ADAM12: variants seen among roughly 807,000 people sequenced by gnomAD.
ADAM12 encodes ADAM metallopeptidase domain 12, also known as disintegrin and metalloproteinase domain-containing protein 12.
A neutral mutation model predicts 106.4 loss-of-function variants in ADAM12; 70 were observed. The ratio of observed to expected loss-of-function variants is 0.66; its 90% CI spans 0.54 to 0.80. ADAM12 has a LOEUF of 0.80. Among genes scored for constraint, ADAM12 ranks in the 30% least tolerant of loss-of-function variants. ADAM12 has a pLI of 0.00. For synonymous variants in ADAM12, 420 were observed against 433.5 expected, an observed-to-expected ratio of 0.97 and a Z score of 0.39; for missense variants, 1,010 against 1,171.9, an observed-to-expected ratio of 0.86 and a Z score of 2.02.
chr10:126,344,422 A>G (rs537189176), intron 1 of ADAM12, among the ~76,000 whole-genome samples: 6 of 152,200 alleles, frequency 3.9e-5, no homozygotes, highest in Admixed American at 3.3e-4. Context: ...TTTGGTTACT[A>G]TAGCCTTGTA....
chr10:126,271,519 C>A (rs140106877), intron 3 of ADAM12, among the ~76,000 whole-genome samples: 4 of 152,336 alleles, frequency 2.6e-5, no homozygotes, highest in Non-Finnish European at 5.9e-5. Context: ...TAGCTCATGC[C>A]TTTGGGAGGC....
intron 4 of ADAM12, among the ~76,000 whole-genome samples, chr10:126,146,139 C>T (rs1956623370): frequency 6.6e-6 from 1 of 152,154 alleles, no homozygotes; most frequent in African/African-American, 2.4e-5. Context: ...TGAGCTGGTG[C>T]AGCCATGTGA....
Position 126,346,086 on chromosome 10 carries a change from C to T in ADAM12, c.89-15577G>A, listed in dbSNP as rs1590808413. The stretch of plus-strand genomic sequence containing the variant: ...TAGCTTTTGAATTTGTTTGCTCTTG[C>T]TTCTCTAGTTCTTTTAAATGTGATG... On this transcript the variant is annotated intron_variant, in intron 1 of 22. Transcript: ENST00000448723. Among the ~76,000 whole-genome samples the T allele has an allele frequency of 7.2e-5, 11 of 152,258 alleles. No homozygotes were observed. The South Asian group carries it at 2.3e-3, about 32-fold the overall frequency.
In ADAM12 at chr10:126,036,264, A is replaced by T; in HGVS notation, c.2411T>A (p.Leu804Gln). The T allele has an allele frequency of 1.3e-6, 2 of 1,560,202 alleles. No individual in the cohort carries two copies. Among genetic ancestry groups the T allele is most frequent in the Non-Finnish European group, 1.7e-6 (2 of 1,159,480 alleles). Residue 804 changes from leucine (L) to glutamine (Q), a missense_variant, in exon 21 of 23, where the codon CTG (leucine) becomes CAG (glutamine). This residue lies in a region of ADAM12 where 615 missense variants were observed against 708.5 expected (regional missense o/e 0.87). Transcript: ENST00000448723. ...AGTTGACTGGGGCTGAGGGACATTC[A>T]GGCCGTTGAGGGGTCTGCTGATGTC... ...NVDISRPLNG[L>Q]NVPQPQSTQR...
At chr10:126,036,831 G>A (rs1009260418) in intron 20 of ADAM12, among the ~76,000 whole-genome samples, 1 of 152,304 alleles carries the variant, frequency 6.6e-6, no homozygotes, top group Middle Eastern at 3.4e-3. Flanking sequence ...AACAGGTGCT[G>A]CAGGGACCCT....
chr10:126,300,298 C>T (rs1960563632), intron 2 of ADAM12, among the ~76,000 whole-genome samples: 1 of 152,166 alleles, frequency 6.6e-6, no homozygotes, highest in Non-Finnish European at 1.5e-5. Context: ...CTGATCCCAT[C>T]CCACCTGACA....
rs573616777 is a variant in ADAM12 at position 126,306,418 on chromosome 10, A to G, written c.186+23994T>C. Among the ~76,000 whole-genome samples the G allele has an allele frequency of 3.3e-5, 5 of 152,176 alleles. No individual in the cohort carries two copies. The South Asian group carries it at 6.2e-4, about 19-fold the overall frequency. On this transcript the variant is annotated intron_variant, in intron 2 of 22. Transcript: ENST00000448723. Reference sequence around the variant, plus strand: ...TGTTGTAAAGCCCTAAATATCTTGCATTATTGTTTTAAAGAGTTAATAGTG... The same window carrying G: ...TGTTGTAAAGCCCTAAATATCTTGCGTTATTGTTTTAAAGAGTTAATAGTG...
At chr10:126,058,338 G>A (rs2133462581) in intron 14 of ADAM12, among the ~76,000 whole-genome samples, 1 of 152,346 alleles carries the variant, frequency 6.6e-6, no homozygotes, top group East Asian at 1.9e-4. Flanking sequence ...CCTTCCCGGA[G>A]GAAGTCAACT....
intron 1 of ADAM12, among the ~76,000 whole-genome samples, chr10:126,350,478 G>A (rs1239215246): frequency 6.6e-6 from 1 of 152,222 alleles, no homozygotes; most frequent in Non-Finnish European, 1.5e-5. Context: ...GACAGAGACA[G>A]CTGCCTGGGC....
chr10:126,128,819 C>A (rs1431768920), intron 5 of ADAM12, among the ~76,000 whole-genome samples: 1 of 136,028 alleles, frequency 7.4e-6, no homozygotes, highest in Non-Finnish European at 1.5e-5. Context: ...TGGACGCCTG[C>A]GCATGTGAGT....
chr10:126,351,369 C>T (rs1286300450), intron 1 of ADAM12, among the ~76,000 whole-genome samples: 1 of 152,212 alleles, frequency 6.6e-6, no homozygotes, highest in East Asian at 1.9e-4. Flanking sequence ...TTCTTGGCCT[C>T]ACTGGTGGTC....
intron 2 of ADAM12, among the ~76,000 whole-genome samples, chr10:126,317,081 C>T (rs756357622): frequency 6.6e-6 from 1 of 152,148 alleles, no homozygotes; most frequent in Non-Finnish European, 1.5e-5. Flanking sequence ...TGGATGCAAA[C>T]TATGTTGCCT....
At chr10:126,300,085 C>T (rs941455786) in intron 2 of ADAM12, among the ~76,000 whole-genome samples, 2 of 152,144 alleles carry the variant, frequency 1.3e-5, no homozygotes, top group African/African-American at 4.8e-5. Context: ...GATCGTGTGA[C>T]CTTCTATTTC....
intron 4 of ADAM12, 155 bp downstream of exon 4, chr10:126,155,072 T>C (rs1466358): frequency 0.44 from 320,630 of 731,262 alleles, 74,605 homozygotes; most frequent in East Asian, 0.79. Context: ...GGATTTATAA[T>C]AGAACGCCTA....
At chr10:126,323,178 C>T (rs972321286) in intron 2 of ADAM12, among the ~76,000 whole-genome samples, 1 of 152,180 alleles carries the variant, frequency 6.6e-6, no homozygotes, top group African/African-American at 2.4e-5. Flanking sequence ...GGCTTGGAAG[C>T]TAATGTAAAA....
intron 9 of ADAM12, among the ~76,000 whole-genome samples, chr10:126,098,926 T>A (rs1429006568): frequency 6.6e-6 from 1 of 152,228 alleles, no homozygotes; most frequent in Non-Finnish European, 1.5e-5. Context: ...GGTAACTTAC[T>A]ACAGTTCTGC....
At chr10:126,063,722 G>C (rs1954805895) in intron 14 of ADAM12, among the ~76,000 whole-genome samples, 1 of 152,176 alleles carries the variant, frequency 6.6e-6, no homozygotes, top group Non-Finnish European at 1.5e-5. Context: ...GGTGGGGCCT[G>C]CACTTGTGGA....
intron 3 of ADAM12, among the ~76,000 whole-genome samples, chr10:126,195,023 C>T (rs1404309966): frequency 6.6e-6 from 1 of 151,624 alleles, no homozygotes; most frequent in African/African-American, 2.4e-5. Context: ...AATTACGTAT[C>T]TGCCTTAAAT....
At chr10:126,109,323 TGTA>T (rs562945126) in intron 7 of ADAM12, among the ~76,000 whole-genome samples, 304 of 152,342 alleles carry the variant, frequency 2.0e-3, no homozygotes, top group Middle Eastern at 3.4e-3. Context: ...AAAAAATGAA[TGTA>T]GTATCAAGCT....
Sources: allele counts gnomAD v4.1 joint callset (sites outside exome capture counted in the v4.1 genomes callset), GRCh38; gene constraint gnomAD v4.1.1; regional missense constraint gnomAD v4.1.1; transcripts MANE v1.5; gene names NCBI Gene and HGNC (gene_info 2026-07-23, HGNC 2026-07-21).